CCDC7: variants seen among roughly 807,000 people sequenced by gnomAD.
The protein encoded by CCDC7 is coiled-coil domain-containing protein 7.
In CCDC7, 183 loss-of-function variants were observed where a neutral mutation model predicts 196.9. The ratio of observed to expected loss-of-function variants is 0.93; its 90% CI spans 0.82 to 1.05. The LOEUF (loss-of-function observed/expected upper bound fraction) is 1.05. CCDC7 is among the 50% of genes least tolerant of loss of function. CCDC7 has a pLI of 0.00. For missense variants in CCDC7, 1,540 were observed against 1,482.2 expected, an observed-to-expected ratio of 1.04 and a Z score of -0.64; for synonymous variants, 525 against 484.6, an observed-to-expected ratio of 1.08 and a Z score of -1.10.
intron 18 of CCDC7, among the ~76,000 whole-genome samples, chr10:32,595,236 G>T (rs1197615669): frequency 6.6e-6 from 1 of 152,104 alleles, no homozygotes; most frequent in Non-Finnish European, 1.5e-5. Context: ...GCCTGTTATT[G>T]GTCTATTCAG....
In CCDC7 at chr10:32,828,439, G is replaced by GAAGGAGAAGAAGAAGA. The variant is rs1491102454; in HGVS notation, c.3268+3836_3268+3837insAGGAGAAGAAGAAGAA. Among the ~76,000 whole-genome samples, 43 of 56,846 alleles carry GAAGGAGAAGAAGAAGA rather than the reference G, an allele frequency of 7.6e-4. 1 individual carries two copies. The highest frequency in any genetic ancestry group is 4.7e-3 in the South Asian group (8 of 1,706). 37.3% of individuals were successfully genotyped at this position (56,846 alleles called of 152,430 possible). A position where few individuals can be genotyped will look rare whatever the true frequency, so the allele number is the denominator to read the frequency against. On this transcript the variant is annotated intron_variant, in intron 32 of 41. Coordinates refer to ENST00000639629, the Ensembl canonical transcript of CCDC7. ...AGGAGAAGAAGAAGAAGGAAGGAAG[G>GAAGGAGAAGAAGAAGA]AGAAGAAGAAGAAGAAGAAGAAGAA...
intron 5 of CCDC7, among the ~76,000 whole-genome samples, chr10:32,465,050 A>C (rs1281873907): frequency 6.6e-6 from 1 of 152,116 alleles, no homozygotes; most frequent in Non-Finnish European, 1.5e-5. Flanking sequence ...TAAAGGCAAA[A>C]CTGGTTTATA....
chr10:32,729,045 C>T (rs2083526554), intron 27 of CCDC7, 48 bp downstream of exon 28: 3 of 1,264,210 alleles, frequency 2.4e-6, no homozygotes, highest in Middle Eastern at 2.4e-4. Context: ...ATGTTGAACT[C>T]ATCAGATCTT....
intron 20 of CCDC7, among the ~76,000 whole-genome samples, chr10:32,637,369 T>A (rs1211957093): frequency 6.6e-6 from 1 of 152,164 alleles, no homozygotes; most frequent in Non-Finnish European, 1.5e-5. Flanking sequence ...TTAGGTCTAA[T>A]GTTTAAGTAT....
intron 8 of CCDC7, among the ~76,000 whole-genome samples, chr10:32,480,584 TA>T (rs2039787798): frequency 6.6e-6 from 1 of 152,006 alleles, no homozygotes; most frequent in African/African-American, 2.4e-5. Context: ...TGTCATAAGA[TA>T]TTTTTTGATT....
At chr10:32,746,325 C>T (rs556538090) in intron 28 of CCDC7, among the ~76,000 whole-genome samples, 1 of 152,270 alleles carries the variant, frequency 6.6e-6, no homozygotes, top group African/African-American at 2.4e-5. Flanking sequence ...CCATGCACCT[C>T]CAGAATCCTA....
chr10:32,463,454 AAT>A (rs1393761500), intron 5 of CCDC7, among the ~76,000 whole-genome samples: 5 of 152,158 alleles, frequency 3.3e-5, no homozygotes, highest in Non-Finnish European at 5.9e-5. Flanking sequence ...CTATAGATGA[AAT>A]ATGTTATTTT....
chr10:32,519,080 T>G (rs192380585), intron 11 of CCDC7, among the ~76,000 whole-genome samples: 35 of 152,268 alleles, frequency 2.3e-4, no homozygotes, highest in African/African-American at 2.9e-4. Flanking sequence ...TATTTCTTCC[T>G]TACTAGGTGA....
chr10:32,599,637 T>G (rs1400455761), intron 18 of CCDC7, among the ~76,000 whole-genome samples: 4 of 152,160 alleles, frequency 2.6e-5, no homozygotes, highest in Non-Finnish European at 4.4e-5. Context: ...TTTAAACTTA[T>G]AACAACTTGA....
chr10:32,616,870 A>T (rs372159811), intron 18 of CCDC7, among the ~76,000 whole-genome samples: 23 of 151,760 alleles, frequency 1.5e-4, no homozygotes, highest in African/African-American at 5.6e-4. Flanking sequence ...TCATGAAGGG[A>T]TGCTGAATTT....
intron 20 of CCDC7, among the ~76,000 whole-genome samples, chr10:32,642,054 C>G (rs937688349): frequency 2.6e-5 from 4 of 152,202 alleles, no homozygotes; most frequent in African/African-American, 9.7e-5. Context: ...AGGTGTCAGT[C>G]TGCCCCTACT....
chr10:32,719,770 G>T (rs1370673144), intron 25 of CCDC7, among the ~76,000 whole-genome samples: 1 of 152,172 alleles, frequency 6.6e-6, no homozygotes, highest in Admixed American at 6.5e-5. Context: ...ATGAAAAAAA[G>T]CTCATCATCA....
At chr10:32,473,865 C>A in intron 7 of CCDC7, 102 bp from the exon 9 acceptor site, 1 of 1,111,304 alleles carries the variant, frequency 9.0e-7, no homozygotes, top group Non-Finnish European at 1.2e-6. Flanking sequence ...AGTTTTCTTT[C>A]TTCTGAATAA....
intron 28 of CCDC7, among the ~76,000 whole-genome samples, chr10:32,740,984 G>C (rs1003622374): frequency 2.6e-5 from 4 of 151,984 alleles, no homozygotes; most frequent in Admixed American, 2.6e-4. Flanking sequence ...GAAGTAATAA[G>C]AATGTGTCTA....
Position 32,828,461 on chromosome 10 carries a change from A to AGAAGAAGAAGAAGAAGAG in CCDC7, c.3268+3862_3268+3863insAGAAGAAGAAGAGGAAGA, listed in dbSNP as rs2091543061. Among the ~76,000 whole-genome samples the AGAAGAAGAAGAAGAAGAG allele has an allele frequency of 1.1e-4, 8 of 70,842 alleles. 1 individual carries two copies. The highest frequency in any genetic ancestry group is 2.4e-4 in the African/African-American group (6 of 24,546). 46.5% of individuals were successfully genotyped at this position (70,842 alleles called of 152,430 possible). A position where few individuals can be genotyped will look rare whatever the true frequency, so the allele number is the denominator to read the frequency against. On this transcript the variant is annotated intron_variant, in intron 32 of 41. Coordinates refer to ENST00000639629, the Ensembl canonical transcript of CCDC7. The stretch of plus-strand genomic sequence containing the variant: ...AAGGAGAAGAAGAAGAAGAAGAAGA[A>AGAAGAAGAAGAAGAAGAG]GAAGAGGAAGAGGAAGAGGAAGAGG...
intron 18 of CCDC7, among the ~76,000 whole-genome samples, chr10:32,595,012 T>C (rs1017473173): frequency 7.9e-5 from 12 of 152,210 alleles, no homozygotes; most frequent in African/African-American, 2.9e-4. Flanking sequence ...AAAATTCTCT[T>C]TTTTTGTTGT....
At chr10:32,495,017 T>C (rs1259494219) in intron 9 of CCDC7, among the ~76,000 whole-genome samples, 4 of 152,206 alleles carry the variant, frequency 2.6e-5, no homozygotes, top group African/African-American at 4.8e-5. Context: ...ACCAACAGTG[T>C]AAAAGTGTTC....
chr10:32,828,473 G>GAA lies in CCDC7; in HGVS notation c.3268+3869_3268+3870insAA, dbSNP rs1565633746. 1.5e-3 allele frequency among the ~76,000 whole-genome samples: 69 copies of GAA among 45,400 alleles called. 1 individual carries two copies. In the Middle Eastern group the frequency reaches 0.036, roughly 23 times the overall value. 29.8% of individuals were successfully genotyped at this position (45,400 alleles called of 152,430 possible). A position where few individuals can be genotyped will look rare whatever the true frequency, so the allele number is the denominator to read the frequency against. On this transcript the variant is annotated intron_variant, in intron 32 of 41. Coordinates refer to ENST00000639629, the Ensembl canonical transcript of CCDC7. ...AAGAAGAAGAAGAAGAAGAGGAAGA[G>GAA]GAAGAGGAAGAGGAAGAAGAAGAAG...
intron 41 of CCDC7, among the ~76,000 whole-genome samples, 152 bp from the exon 43 acceptor site, chr10:32,876,194 AC>A (rs1446260516): frequency 6.6e-6 from 1 of 152,086 alleles, no homozygotes; most frequent in Admixed American, 6.6e-5. Flanking sequence ...TTCTATAAAA[AC>A]AATAGGTAGG....
Sources: allele counts gnomAD v4.1 joint callset (sites outside exome capture counted in the v4.1 genomes callset), GRCh38; gene constraint gnomAD v4.1.1; transcripts MANE v1.5; gene names NCBI Gene and HGNC (gene_info 2026-07-23, HGNC 2026-07-21).